The following FOXJ3 variants were observed in gnomAD, a reference collection of about 807,000 sequenced individuals.
The protein encoded by FOXJ3 is forkhead box protein J3.
A neutral mutation model predicts 76.1 loss-of-function variants in FOXJ3; 22 were observed. The ratio of observed to expected loss-of-function variants is 0.29; its 90% confidence interval spans 0.21 to 0.41. The LOEUF (loss-of-function observed/expected upper bound fraction) is 0.41. FOXJ3 is among the 10% of genes least tolerant of loss of function. The pLI, the probability that FOXJ3 is intolerant of heterozygous loss-of-function variation, is 1.00. For missense variants in FOXJ3, 613 were observed against 762.1 expected (o/e 0.80, Z 2.30); for synonymous variants, 269 against 261.2 (o/e 1.03, Z -0.29).
At chr1:42,302,286 G>A (rs1654199278) in intron 2 of FOXJ3, among the ~76,000 whole-genome samples, 3 of 152,226 alleles carry the variant, frequency 2.0e-5, no homozygotes, top group African/African-American at 7.2e-5. Flanking sequence ...GCACTCACAG[G>A]TTAAGAGCCA....
chr1:42,331,116 T>TA (rs1313839481), intron 1 of FOXJ3, among the ~76,000 whole-genome samples: 1 of 152,046 alleles, frequency 6.6e-6, no homozygotes, highest in African/African-American at 2.4e-5. Context: ...CGCGGTGGCT[T>TA]ACACCTGTAG....
chr1:42,302,375 A>G (rs1654204839), intron 2 of FOXJ3, among the ~76,000 whole-genome samples: 1 of 152,260 alleles, frequency 6.6e-6, no homozygotes, highest in Non-Finnish European at 1.5e-5. Flanking sequence ...AATGGGGCTG[A>G]TCTGCAGAAT....
intron 4 of FOXJ3, among the ~76,000 whole-genome samples, chr1:42,250,472 T>G (rs1274264906): frequency 6.6e-6 from 1 of 152,112 alleles, no homozygotes; most frequent in Non-Finnish European, 1.5e-5. Context: ...TTCTCTAGCA[T>G]CAAAACAACT....
intron 4 of FOXJ3, among the ~76,000 whole-genome samples, chr1:42,244,640 G>A (rs1649399100): frequency 7.5e-6 from 1 of 133,608 alleles, no homozygotes; most frequent in Non-Finnish European, 1.7e-5. Context: ...TACACTGACA[G>A]CCACACTAAT....
chr1:42,285,964 G>A (rs1453068287), intron 2 of FOXJ3, among the ~76,000 whole-genome samples: 4 of 152,108 alleles, frequency 2.6e-5, no homozygotes, highest in African/African-American at 9.7e-5. Flanking sequence ...CTGATGAAAG[G>A]GACTGTATCC....
chr1:42,312,184 C>CA (rs925386314), intron 1 of FOXJ3, among the ~76,000 whole-genome samples: 6 of 151,940 alleles, frequency 3.9e-5, no homozygotes, highest in Admixed American at 6.6e-5. Flanking sequence ...TCAAGAGAAA[C>CA]AAAAAAATCC....
intron 5 of FOXJ3, among the ~76,000 whole-genome samples, chr1:42,209,448 T>G (rs531802879): frequency 6.6e-6 from 1 of 152,252 alleles, no homozygotes; most frequent in South Asian, 2.1e-4. Context: ...ATGCAGACCT[T>G]TTGAAATAAG....
At chr1:42,250,194 T>C (rs1649907541) in intron 4 of FOXJ3, among the ~76,000 whole-genome samples, 1 of 152,214 alleles carries the variant, frequency 6.6e-6, no homozygotes, top group African/African-American at 2.4e-5. Flanking sequence ...AGGTTATTTA[T>C]TGTTAAAATC....
In FOXJ3 at chr1:42,196,680, G is replaced by A. The variant is rs528787173; in HGVS notation, c.760-1616C>T. On this transcript the variant is annotated intron_variant, in intron 7 of 12. Coordinates refer to ENST00000361346, the MANE Select transcript of FOXJ3 (RefSeq NM_014947.5). The stretch of plus-strand genomic sequence containing the variant: ...TGCACTTCAGTCTGGGCGACAGAGA[G>A]AGACTCCATCTCAAAAACAACAAAA... Among the ~76,000 whole-genome samples the A allele has an allele frequency of 2.6e-5, 4 of 152,308 alleles. No homozygotes were observed. In the South Asian group the frequency reaches 8.3e-4, roughly 32 times the overall value.
intron 3 of FOXJ3, among the ~76,000 whole-genome samples, chr1:42,268,564 T>C (rs545972843): frequency 3.3e-5 from 5 of 152,068 alleles, no homozygotes; most frequent in East Asian, 3.9e-4. Flanking sequence ...GACTGTAAAA[T>C]ATAAAAAATA....
chr1:42,180,368 C>A (rs746602723), intron 12 of FOXJ3, among the ~76,000 whole-genome samples: 7 of 152,188 alleles, frequency 4.6e-5, no homozygotes, highest in Non-Finnish European at 1.0e-4. Flanking sequence ...AGAATGCCCA[C>A]CTTCCCATGC....
At chr1:42,193,650 C>A (rs919405992) in intron 8 of FOXJ3, among the ~76,000 whole-genome samples, 1 of 152,024 alleles carries the variant, frequency 6.6e-6, no homozygotes, top group Non-Finnish European at 1.5e-5. Context: ...CAGTATACAT[C>A]AATATAAATA....
chr1:42,297,492 A>C (rs1228281338), intron 2 of FOXJ3, among the ~76,000 whole-genome samples: 1 of 152,240 alleles, frequency 6.6e-6, no homozygotes, highest in East Asian at 1.9e-4. Flanking sequence ...GATTTTATCA[A>C]ATCACTTTTC....
intron 2 of FOXJ3, among the ~76,000 whole-genome samples, chr1:42,292,787 G>A (rs1452824205): frequency 6.6e-6 from 1 of 152,104 alleles, no homozygotes; most frequent in Non-Finnish European, 1.5e-5. Context: ...TTACATCTCA[G>A]TGAAGCTGTT....
chr1:42,184,643 T>C (rs1171251253), intron 11 of FOXJ3, among the ~76,000 whole-genome samples: 1 of 151,948 alleles, frequency 6.6e-6, no homozygotes, highest in East Asian at 1.9e-4. Context: ...CTTGGGCATG[T>C]TGGGTAGGGG....
At chr1:42,180,574 T>G (rs931006400) in intron 12 of FOXJ3, among the ~76,000 whole-genome samples, 3 of 152,244 alleles carry the variant, frequency 2.0e-5, no homozygotes, top group Admixed American at 1.3e-4. Context: ...GTGGAAGTTT[T>G]ACTGGATTTT....
At chr1:42,299,784 A>C (rs931345079) in intron 2 of FOXJ3, among the ~76,000 whole-genome samples, 2 of 151,760 alleles carry the variant, frequency 1.3e-5, no homozygotes, top group Non-Finnish European at 2.9e-5. Flanking sequence ...GGTACACACC[A>C]GTAATCCCAG....
At chr1:42,331,929 T>C (rs1320064200) in intron 1 of FOXJ3, among the ~76,000 whole-genome samples, 2 of 152,160 alleles carry the variant, frequency 1.3e-5, no homozygotes, top group African/African-American at 4.8e-5. Context: ...GAAATACTAA[T>C]AATTACCATA....
chr1:42,304,868 C>G (rs960923632), intron 2 of FOXJ3, among the ~76,000 whole-genome samples: 12 of 152,064 alleles, frequency 7.9e-5, no homozygotes, highest in Non-Finnish European at 1.2e-4. Flanking sequence ...CAAGCACAGG[C>G]AACCAAAGCG....
Sources: allele counts gnomAD v4.1 joint callset (sites outside exome capture counted in the v4.1 genomes callset), GRCh38; gene constraint gnomAD v4.1.1; transcripts MANE v1.5; gene names NCBI Gene and HGNC (gene_info 2026-07-23, HGNC 2026-07-21).